The following SEMA3C variants were observed in gnomAD, a reference collection of about 807,000 sequenced individuals.
SEMA3C encodes semaphorin-3C.
A neutral mutation model predicts 89.4 loss-of-function variants in SEMA3C; 47 were observed. That is an observed-to-expected ratio of 0.53 (90% confidence interval 0.42 to 0.67). The LOEUF (loss-of-function observed/expected upper bound fraction) is 0.67, where lower values mean the gene tolerates loss of function less well. Ranked by LOEUF, SEMA3C falls within the 30% of genes least tolerant of loss-of-function variation. The pLI, the probability that SEMA3C is intolerant of heterozygous loss-of-function variation, is 0.00. For synonymous variants in SEMA3C, 310 were observed against 320.2 expected, an observed-to-expected ratio of 0.97 and a Z score of 0.34; for missense variants, 839 against 929.1, an observed-to-expected ratio of 0.90 and a Z score of 1.26.
At chr7:80,759,180 T>C (rs923576981) in intron 14 of SEMA3C, among the ~76,000 whole-genome samples, 12 of 152,152 alleles carry the variant, frequency 7.9e-5, no homozygotes, top group Non-Finnish European at 1.5e-4. Flanking sequence ...AATGGTTTGA[T>C]TCCTTTAGCT....
chr7:80,818,057 T>TACACAC (rs58398775), intron 5 of SEMA3C, among the ~76,000 whole-genome samples: 65 of 149,434 alleles, frequency 4.3e-4, no homozygotes, highest in African/African-American at 9.3e-4. Context: ...ACTAAAAGTA[T>TACACAC]ACACACACAC....
intron 17 of SEMA3C, among the ~76,000 whole-genome samples, chr7:80,746,718 G>GGTGT (rs5885196): frequency 0.018 from 2,554 of 143,004 alleles, 55 homozygotes; most frequent in South Asian, 0.048. Flanking sequence ...ATTGAAGTGG[G>GGTGT]GTGTGTGTGT....
chr7:80,919,124 G>A, upstream of SEMA3C: 8 of 984,728 alleles, frequency 8.1e-6, no homozygotes, highest in Non-Finnish European at 9.6e-6. Flanking sequence ...GCGCGGCTCC[G>A]GCTGCCCCGG....
At chr7:80,892,564 A>G (rs775367510) in intron 2 of SEMA3C, among the ~76,000 whole-genome samples, 2 of 152,154 alleles carry the variant, frequency 1.3e-5, no homozygotes, top group Non-Finnish European at 2.9e-5. Flanking sequence ...AACAACAACA[A>G]CAACAATGTA....
At chr7:80,832,703 GTTCC>G (rs2115835560) in intron 2 of SEMA3C, among the ~76,000 whole-genome samples, 1 of 152,206 alleles carries the variant, frequency 6.6e-6, no homozygotes, top group South Asian at 2.1e-4. Context: ...TACCAAGAAA[GTTCC>G]TTGCTGAGAA....
intron 16 of SEMA3C, 109 bp from the exon 17 acceptor site, chr7:80,749,137 G>T: frequency 2.6e-6 from 3 of 1,158,872 alleles, no homozygotes; most frequent in Non-Finnish European, 3.4e-6. Context: ...ACAAAATTGT[G>T]AACAACTATC....
At position 80,792,829 on chromosome 7, in the gene SEMA3C, G is replaced by A. The variant is rs151084642; in HGVS notation, c.1132-3301C>T. On this transcript the variant is annotated intron_variant, in intron 11 of 17. Coordinates refer to ENST00000265361, the MANE Select transcript of SEMA3C (RefSeq NM_006379.5). Reference sequence around the variant, plus strand: ...ACTCTGCTGATAAGACAGACAATGAGTGCTAATAATGTAACACAAACACAA... The same window carrying A: ...ACTCTGCTGATAAGACAGACAATGAATGCTAATAATGTAACACAAACACAA... Among the ~76,000 whole-genome samples the A allele has an allele frequency of 2.7e-3, 417 of 152,160 alleles. 4 individuals are homozygous for A. Among genetic ancestry groups the A allele is most frequent in the African/African-American group, 9.5e-3 (393 of 41,520 alleles).
chr7:80,818,950 T>A (rs929043052), intron 4 of SEMA3C, among the ~76,000 whole-genome samples: 2 of 152,168 alleles, frequency 1.3e-5, no homozygotes, highest in Non-Finnish European at 2.9e-5. Context: ...CATTTACTGA[T>A]TACCTACTAT....
intron 2 of SEMA3C, among the ~76,000 whole-genome samples, chr7:80,852,449 T>C (rs945367751): frequency 6.6e-6 from 1 of 152,096 alleles, no homozygotes; most frequent in Non-Finnish European, 1.5e-5. Context: ...ATTTTTTGAG[T>C]AGTACCCCAT....
At chr7:80,758,974 T>C (rs1418475917) in intron 14 of SEMA3C, among the ~76,000 whole-genome samples, 4 of 152,208 alleles carry the variant, frequency 2.6e-5, no homozygotes, top group Admixed American at 2.6e-4. Flanking sequence ...TAAAAAAGAA[T>C]ATTTTGGTCA....
chr7:80,850,578 A>C (rs12707039), intron 2 of SEMA3C, among the ~76,000 whole-genome samples: 36,854 of 152,100 alleles, frequency 0.24, 4,910 homozygotes, highest in African/African-American at 0.35. Context: ...TGGTCATAGA[A>C]GTAATCCTGG....
intron 2 of SEMA3C, among the ~76,000 whole-genome samples, chr7:80,865,853 C>A (rs1790915223): frequency 1.3e-5 from 2 of 152,056 alleles, no homozygotes; most frequent in African/African-American, 2.4e-5. Flanking sequence ...TGAAAGAATT[C>A]TTGGTTTCTT....
At chr7:80,840,920 A>G (rs1483598528) in intron 2 of SEMA3C, among the ~76,000 whole-genome samples, 2 of 152,190 alleles carry the variant, frequency 1.3e-5, no homozygotes, top group Non-Finnish European at 2.9e-5. Flanking sequence ...CCTGAAGGAT[A>G]AAGTTGAGCT....
In SEMA3C at chr7:80,745,175, A is replaced by G. The variant is rs772735344; in HGVS notation, c.1975T>C (p.Phe659Leu). 5 of 1,614,052 alleles carry G rather than the reference A, an allele frequency of 3.1e-6. No individual in the cohort carries two copies. The Admixed American group carries it at 8.3e-5, about 27-fold the overall frequency. Residue 659 changes from phenylalanine to leucine, a missense_variant, in exon 18 of 18, where the codon TTC becomes CTC. By Grantham distance (22) the Phe-to-Leu change is conservative. Transcript: ENST00000265361. ...SFKQTIAKIN[F>L]KVLDSEMVAV... ...ACCATTTCTGAATCTAAAACTTTGA[A>G]GTTGATCTTGGCTATGGTCTGCTTG...
chr7:80,780,970 G>A (rs993879431), intron 12 of SEMA3C, among the ~76,000 whole-genome samples: 1 of 152,104 alleles, frequency 6.6e-6, no homozygotes, highest in African/African-American at 2.4e-5. Flanking sequence ...GATTTTGAGA[G>A]GGTTCCTTTC....
At chr7:80,798,385 C>T (rs2115645457) in intron 10 of SEMA3C, 149 bp from the exon 11 acceptor site, 1 of 656,054 alleles carries the variant, frequency 1.5e-6, no homozygotes, top group East Asian at 3.5e-5. Context: ...AGCTGAAAAA[C>T]TTTGAAAAAA....
intron 2 of SEMA3C, among the ~76,000 whole-genome samples, chr7:80,863,972 T>G (rs759041110): frequency 7.1e-6 from 1 of 140,700 alleles, no homozygotes; most frequent in Admixed American, 7.1e-5. Flanking sequence ...ATCACATATA[T>G]ATCACATATA....
intron 9 of SEMA3C, among the ~76,000 whole-genome samples, chr7:80,801,293 A>C (rs765217258): frequency 2.8e-4 from 43 of 152,106 alleles, no homozygotes; most frequent in Non-Finnish European, 5.2e-4. Context: ...TAATCTTAGG[A>C]GCTGGAAGAT....
At chr7:80,865,240 G>A (rs987181147) in intron 2 of SEMA3C, among the ~76,000 whole-genome samples, 3 of 151,974 alleles carry the variant, frequency 2.0e-5, no homozygotes, top group Admixed American at 6.6e-5. Context: ...AAAACTCAAC[G>A]ATTCTGTATC....
Sources: gnomAD v4.1 joint callset for allele counts (sites outside exome capture counted in the v4.1 genomes callset) on GRCh38, gnomAD v4.1.1 for gene constraint, MANE v1.5 for transcripts, NCBI Gene and HGNC (gene_info 2026-07-23, HGNC 2026-07-21) for gene names.